SYN2: variants seen among roughly 807,000 people sequenced by gnomAD.
SYN2 encodes the protein synapsin-2.
A neutral mutation model predicts 50.9 loss-of-function variants in SYN2; 19 were observed. The observed-to-expected ratio is 0.37, with a 90% CI of 0.26 to 0.55. The LOEUF (loss-of-function observed/expected upper bound fraction) is 0.55. SYN2 is among the 20% of genes least tolerant of loss of function. SYN2 has a pLI of 0.81. For synonymous variants in SYN2, 255 were observed against 224.9 expected (o/e 1.13, Z -1.20); for missense variants, 587 against 576.4 (o/e 1.02, Z -0.19).
chr3:12,109,914 G>T (rs1371655344), intron 1 of SYN2, among the ~76,000 whole-genome samples: 1 of 152,146 alleles, frequency 6.6e-6, no homozygotes, highest in East Asian at 1.9e-4. Context: ...GATATACTGG[G>T]CACAGTGGCT....
intron 10 of SYN2, among the ~76,000 whole-genome samples, chr3:12,178,327 T>C (rs938923666): frequency 6.6e-6 from 1 of 152,212 alleles, no homozygotes; most frequent in African/African-American, 2.4e-5. Flanking sequence ...AGCTCACAAG[T>C]GTTGAGTCAC....
Position 12,127,832 on chromosome 3 carries a change from C to T in SYN2, c.378-12819C>T, listed in dbSNP as rs139900804. ...AATGTGAGGAGATCTCTTTTATTTC[C>T]TTGCAGCAATTTGCTCTACGAACTG... On this transcript the variant is annotated intron_variant, in intron 1 of 12. Coordinates refer to ENST00000621198, the MANE Select transcript of SYN2 (RefSeq NM_133625.6). Among the ~76,000 whole-genome samples the T allele has an allele frequency of 4.2e-4, 64 of 152,322 alleles. 1 individual carries two copies. Among genetic ancestry groups the T allele is most frequent in the African/African-American group, 1.5e-3 (61 of 41,586 alleles).
At chr3:12,111,227 G>C (rs1285748900) in intron 1 of SYN2, among the ~76,000 whole-genome samples, 1 of 152,188 alleles carries the variant, frequency 6.6e-6, no homozygotes, top group Non-Finnish European at 1.5e-5. Flanking sequence ...CCCTGCGGAA[G>C]TTCTTTGCCT....
rs544889507 is a variant in SYN2 at position 12,191,654 on chromosome 3, A to C, written c.*1029A>C. Among the ~76,000 whole-genome samples, 5 of 152,260 alleles carry C rather than the reference A, an allele frequency of 3.3e-5. No individual in the cohort carries two copies. In the East Asian group the frequency reaches 5.8e-4, roughly 18 times the overall value. ...CCTCCCCAGTGAATCTGTCTCCTCC[A>C]AGACACCTAGCCTTCCTTCAGCAAC... On this transcript the variant is annotated 3_prime_UTR_variant, in exon 13 of 13. Coordinates refer to ENST00000621198, the MANE Select transcript of SYN2 (RefSeq NM_133625.6).
At chr3:12,117,625 A>G (rs1215885086) in intron 1 of SYN2, among the ~76,000 whole-genome samples, 2 of 152,192 alleles carry the variant, frequency 1.3e-5, no homozygotes, top group South Asian at 2.1e-4. Context: ...ACTGGAACCA[A>G]CAGCATTCTG....
At chr3:12,059,947 T>C (rs1167765904) in intron 1 of SYN2, among the ~76,000 whole-genome samples, 3 of 152,126 alleles carry the variant, frequency 2.0e-5, no homozygotes, top group African/African-American at 7.2e-5. Flanking sequence ...CTAGCCTTGC[T>C]CAAGAAACAG....
chr3:12,184,007 A>G, intron 11 of SYN2: 1 of 986,114 alleles, frequency 1.0e-6, no homozygotes, highest in East Asian at 1.1e-4. Context: ...AGCTTCATCC[A>G]CTGAATTTGA....
chr3:12,106,119 G>C (rs1393658160), intron 1 of SYN2, among the ~76,000 whole-genome samples: 2 of 152,158 alleles, frequency 1.3e-5, no homozygotes, highest in Non-Finnish European at 2.9e-5. Context: ...TGTGGTTATA[G>C]GACTAAGATC....
intron 1 of SYN2, among the ~76,000 whole-genome samples, chr3:12,118,016 G>GT (rs1369215186): frequency 2.6e-5 from 4 of 152,192 alleles, no homozygotes; most frequent in Admixed American, 1.3e-4. Context: ...AATATATACA[G>GT]TAAAAACTAA....
chr3:12,105,976 A>G (rs444788), intron 1 of SYN2, among the ~76,000 whole-genome samples: 140,992 of 152,246 alleles, frequency 0.93, 65,333 homozygotes, highest in East Asian at 1. Context: ...TAGGTCAGTA[A>G]TCTACACAGG....
chr3:12,117,940 T>A (rs1176902990), intron 1 of SYN2, among the ~76,000 whole-genome samples: 1 of 152,168 alleles, frequency 6.6e-6, no homozygotes. Flanking sequence ...TTAGATGATA[T>A]GACAGTTACA....
intron 1 of SYN2, among the ~76,000 whole-genome samples, chr3:12,101,340 T>C (rs1488907940): frequency 1.3e-5 from 2 of 152,128 alleles, no homozygotes; most frequent in East Asian, 3.9e-4. Flanking sequence ...GGACACAACA[T>C]AGATAAACCT....
At chr3:12,107,927 C>T (rs1465233488) in intron 1 of SYN2, among the ~76,000 whole-genome samples, 1 of 152,020 alleles carries the variant, frequency 6.6e-6, no homozygotes, top group Non-Finnish European at 1.5e-5. Flanking sequence ...GAAAGTAAGG[C>T]CAGCCGTGCA....
intron 6 of SYN2, 134 bp from the exon 7 acceptor site, chr3:12,161,878 G>A (rs900313149): frequency 1.5e-6 from 2 of 1,311,318 alleles, no homozygotes; most frequent in Admixed American, 2.4e-5. Flanking sequence ...GGCCTCCTGG[G>A]GAGATGTGGC....
At chr3:12,184,210 G>A (rs372204932) in intron 11 of SYN2, 11 of 985,794 alleles carry the variant, frequency 1.1e-5, no homozygotes, top group East Asian at 2.3e-4. Flanking sequence ...AATTAACTAT[G>A]AGATTTTTAA....
At chr3:12,025,165 A>T (rs1252360003) in intron 1 of SYN2, among the ~76,000 whole-genome samples, 1 of 151,526 alleles carries the variant, frequency 6.6e-6, no homozygotes. Context: ...CATTCCCATC[A>T]TGGGGGGGGA....
chr3:12,184,497 CA>C (rs1698299058), intron 11 of SYN2: 10 of 985,872 alleles, frequency 1.0e-5, no homozygotes, highest in Non-Finnish European at 1.2e-5. Context: ...GAGACCAAAT[CA>C]AAAATGTCCC....
At chr3:12,131,982 T>TTTTTTC (rs146705889) in intron 1 of SYN2, among the ~76,000 whole-genome samples, 7 of 151,870 alleles carry the variant, frequency 4.6e-5, no homozygotes, top group South Asian at 2.1e-4. Flanking sequence ...TCTCTCTGAT[T>TTTTTTC]TTTTTCTTTT....
intron 1 of SYN2, among the ~76,000 whole-genome samples, chr3:12,059,949 A>C (rs1415677483): frequency 2.0e-5 from 3 of 152,206 alleles, no homozygotes; most frequent in Admixed American, 1.3e-4. Flanking sequence ...AGCCTTGCTC[A>C]AGAAACAGCT....
Sources: allele counts gnomAD v4.1 joint callset (sites outside exome capture counted in the v4.1 genomes callset), GRCh38; gene constraint gnomAD v4.1.1; transcripts MANE v1.5; gene names NCBI Gene and HGNC (gene_info 2026-07-23, HGNC 2026-07-21).